GUCY1A2: variants seen among roughly 807,000 people sequenced by gnomAD.
GUCY1A2 encodes the protein guanylate cyclase 1 soluble subunit alpha 2, also known as guanylate cyclase soluble subunit alpha-2.
Under a neutral mutation model 63.5 loss-of-function variants are expected in GUCY1A2, and 27 were observed. The observed-to-expected ratio is 0.43, with a 90% CI of 0.31 to 0.59. The LOEUF is 0.59. GUCY1A2 is among the 20% of genes least tolerant of loss of function. GUCY1A2 has a pLI of 0.11. For missense variants in GUCY1A2, 768 were observed against 913.3 expected (o/e 0.84, Z 2.05); for synonymous variants, 364 against 343.5 (o/e 1.06, Z -0.66).
At chr11:106,771,910 A>G (rs1039564218) in intron 6 of GUCY1A2, among the ~76,000 whole-genome samples, 2 of 152,194 alleles carry the variant, frequency 1.3e-5, no homozygotes, top group African/African-American at 2.4e-5. Context: ...AGTTCTAATT[A>G]AAGTCAACAT....
chr11:106,789,428 C>T lies in GUCY1A2; in HGVS notation c.1693-12846G>A, dbSNP rs1864620469. Among the ~76,000 whole-genome samples, 3 of 152,156 alleles carry T rather than the reference C, an allele frequency of 2.0e-5. No individual in the cohort carries two copies. The South Asian group carries it at 6.2e-4, about 31-fold the overall frequency. ...AGATTTCTTAATTTCCTCAAAACAG[C>T]AATTTTCAGTTCTCTGTCTGAAAGG... On this transcript the variant is annotated intron_variant, in intron 5 of 7. Transcript: ENST00000526355.
At chr11:106,710,009 AGT>A (rs1863070646) in intron 6 of GUCY1A2, among the ~76,000 whole-genome samples, 1 of 95,224 alleles carries the variant, frequency 1.1e-5, no homozygotes, top group African/African-American at 4.1e-5. Context: ...TATATATAAT[AGT>A]TATATATATT....
At chr11:106,743,674 T>C (rs1330033183) in intron 6 of GUCY1A2, among the ~76,000 whole-genome samples, 1 of 152,210 alleles carries the variant, frequency 6.6e-6, no homozygotes, top group Non-Finnish European at 1.5e-5. Flanking sequence ...TGTATTTTAA[T>C]TATGTGTTTC....
chr11:106,796,132 C>T (rs1864755070), intron 5 of GUCY1A2, among the ~76,000 whole-genome samples: 8 of 152,134 alleles, frequency 5.3e-5, no homozygotes. Flanking sequence ...GATTGCAACT[C>T]CTGCCTTTTT....
intron 4 of GUCY1A2, among the ~76,000 whole-genome samples, chr11:106,890,951 T>A (rs949860503): frequency 2.6e-5 from 4 of 152,172 alleles, no homozygotes; most frequent in Admixed American, 2.0e-4. Context: ...TGTGTGCAAA[T>A]CTTTTTATGA....
intron 5 of GUCY1A2, among the ~76,000 whole-genome samples, chr11:106,802,299 G>A (rs763228113): frequency 6.6e-6 from 1 of 152,244 alleles, no homozygotes; most frequent in African/African-American, 2.4e-5. Flanking sequence ...TAGTGGCAAA[G>A]ATAAATGAGC....
At position 106,917,511 on chromosome 11, in the gene GUCY1A2, C is replaced by T. The variant is rs1422812253; in HGVS notation, c.1206+21949G>A. Among the ~76,000 whole-genome samples the T allele has an allele frequency of 4.1e-5, 6 of 144,930 alleles. 2 individuals carry two copies. The East Asian group carries it at 1.3e-3, about 31-fold the overall frequency. ...ATGCACATGTATGTTTATTGTGACA[C>T]TATTCACAATAGCAAAGACTTGGAA... On this transcript the variant is annotated intron_variant, in intron 4 of 7. Coordinates refer to ENST00000526355, the MANE Select transcript of GUCY1A2 (RefSeq NM_000855.3).
rs34601463 is a variant in GUCY1A2, at chr11:106,675,269, C to CTTT, written c.*12277_*12279dup. The CTTT allele has an allele frequency of 1.6e-3, 271 of 165,494 alleles. 1 individual carries two copies. The highest frequency in any genetic ancestry group is 6.9e-3 in the African/African-American group (263 of 38,184). The allele number at this position is 165,494 out of a possible 1,614,324, so 10.3% of individuals were successfully genotyped here. A position where few individuals can be genotyped will look rare whatever the true frequency, so the allele number is the denominator to read the frequency against. ...TTCGAAGGCAAAATTCTCAGGAGGA[C>CTTT]TTTTTTTTTTTTTTTTTAAATAAAG... On this transcript the variant is annotated 3_prime_UTR_variant, in exon 8 of 8. Coordinates refer to ENST00000526355, the MANE Select transcript of GUCY1A2 (RefSeq NM_000855.3).
chr11:106,794,990 A>C (rs962812268), intron 5 of GUCY1A2, among the ~76,000 whole-genome samples: 1 of 152,178 alleles, frequency 6.6e-6, no homozygotes, highest in Non-Finnish European at 1.5e-5. Context: ...AATTTACAAC[A>C]ATTTTCCACA....
intron 4 of GUCY1A2, among the ~76,000 whole-genome samples, chr11:106,861,407 T>C (rs1859510661): frequency 6.6e-6 from 1 of 151,984 alleles, no homozygotes; most frequent in Non-Finnish European, 1.5e-5. Flanking sequence ...TTTTTTCCCA[T>C]ATTGATGTGG....
At chr11:106,867,580 T>C (rs1440051733) in intron 4 of GUCY1A2, among the ~76,000 whole-genome samples, 1 of 152,106 alleles carries the variant, frequency 6.6e-6, no homozygotes, top group Non-Finnish European at 1.5e-5. Context: ...ATCAGCATCT[T>C]ATAACATATT....
At chr11:106,734,142 C>T (rs1863550418) in intron 6 of GUCY1A2, among the ~76,000 whole-genome samples, 1 of 152,088 alleles carries the variant, frequency 6.6e-6, no homozygotes, top group South Asian at 2.1e-4. Flanking sequence ...TTTAATGAAC[C>T]TTATCAGTAT....
intron 4 of GUCY1A2, among the ~76,000 whole-genome samples, chr11:106,871,907 T>G (rs1414148239): frequency 6.6e-6 from 1 of 152,212 alleles, no homozygotes; most frequent in Non-Finnish European, 1.5e-5. Context: ...AACTAATTAG[T>G]CAAATCCCTG....
chr11:106,996,657 T>C (rs963468155), intron 1 of GUCY1A2, among the ~76,000 whole-genome samples: 10 of 152,206 alleles, frequency 6.6e-5, no homozygotes, highest in Non-Finnish European at 1.2e-4. Context: ...CAAAGTGCCA[T>C]GGGCATTTTG....
intron 4 of GUCY1A2, among the ~76,000 whole-genome samples, chr11:106,857,319 T>C (rs1859450437): frequency 6.6e-6 from 1 of 152,146 alleles, no homozygotes; most frequent in African/African-American, 2.4e-5. Flanking sequence ...GCTCTCTTTT[T>C]CTTACACAGG....
At chr11:106,857,089 T>C (rs1270072280) in intron 4 of GUCY1A2, among the ~76,000 whole-genome samples, 1 of 152,246 alleles carries the variant, frequency 6.6e-6, no homozygotes, top group East Asian at 1.9e-4. Context: ...CTCATTTCTA[T>C]AACCTTGAGA....
Position 106,917,488 on chromosome 11 carries a change from G to A in GUCY1A2, c.1206+21972C>T, listed in dbSNP as rs533641111. Among the ~76,000 whole-genome samples the A allele has an allele frequency of 9.7e-4, 141 of 145,050 alleles. 21 individuals carry two copies. Among genetic ancestry groups the A allele is most frequent in the Non-Finnish European group, 1.9e-3 (124 of 64,626 alleles). ...AAATCATGCTGCTATAAAGACATATGCACATGTATGTTTATTGTGACACTA... is the reference window on the plus strand; with the variant it reads ...AAATCATGCTGCTATAAAGACATATACACATGTATGTTTATTGTGACACTA... On this transcript the variant is annotated intron_variant, in intron 4 of 7. Coordinates refer to ENST00000526355, the MANE Select transcript of GUCY1A2 (RefSeq NM_000855.3).
At position 106,921,122 on chromosome 11, in the gene GUCY1A2, T is replaced by C. The variant is rs150931757; in HGVS notation, c.1206+18338A>G. 5.4e-3 allele frequency among the ~76,000 whole-genome samples: 824 copies of C among 152,280 alleles called. 5 individuals are homozygous for C. Among genetic ancestry groups the C allele is most frequent in the Non-Finnish European group, 8.5e-3 (579 of 68,000 alleles). ...ATCCATGTGCAATGTAATATAATTATATGATACCCTGGGAAAAGCCAAAAA... is the reference window on the plus strand; with the variant it reads ...ATCCATGTGCAATGTAATATAATTACATGATACCCTGGGAAAAGCCAAAAA... On this transcript the variant is annotated intron_variant, in intron 4 of 7. Transcript: ENST00000526355.
chr11:106,839,403 T>C (rs1284819573), intron 4 of GUCY1A2, among the ~76,000 whole-genome samples: 2 of 151,886 alleles, frequency 1.3e-5, no homozygotes, highest in East Asian at 3.9e-4. Context: ...ACTTTTACAC[T>C]GTTGGTGGGA....
Sources: gnomAD v4.1 joint callset for allele counts (sites outside exome capture counted in the v4.1 genomes callset) on GRCh38, gnomAD v4.1.1 for gene constraint, MANE v1.5 for transcripts, NCBI Gene and HGNC (gene_info 2026-07-23, HGNC 2026-07-21) for gene names.